Variants in MYO16 observed in about 807,000 individuals in gnomAD.
MYO16 encodes myosin XVI, also known as unconventional myosin-XVI.
MYO16 carries 94 observed loss-of-function variants against 205.3 expected under a neutral mutation model. The observed-to-expected ratio is 0.46, with a 90% confidence interval of 0.39 to 0.54. MYO16 has a LOEUF of 0.54. Ranked by LOEUF, MYO16 falls within the 20% of genes least tolerant of loss-of-function variation. The pLI is 0.00. For missense variants in MYO16, 2,315 were observed against 2,387.5 expected, an observed-to-expected ratio of 0.97 and a Z score of 0.63; for synonymous variants, 988 against 954.0, an observed-to-expected ratio of 1.04 and a Z score of -0.66.
intron 12 of MYO16, among the ~76,000 whole-genome samples, chr13:108,878,207 G>C (rs752257388): frequency 6.6e-6 from 1 of 152,054 alleles, no homozygotes; most frequent in Non-Finnish European, 1.5e-5. Context: ...AGCCCTAAAT[G>C]GGAACAGATA....
chr13:108,586,588 T>C, the MYO16 span, among the ~76,000 whole-genome samples: 1 of 152,154 alleles, frequency 6.6e-6, no homozygotes, highest in Non-Finnish European at 1.5e-5. Flanking sequence ...TGGTCACTCT[T>C]AAGGGGCTGT....
intron 16 of MYO16, among the ~76,000 whole-genome samples, chr13:108,946,297 A>AG (rs200275155): frequency 6.6e-6 from 1 of 151,804 alleles, no homozygotes; most frequent in African/African-American, 2.4e-5. Context: ...CAAAAAAAAA[A>AG]GGGGGTTTGA....
chr13:109,122,632 C>T (rs967235673), intron 29 of MYO16, among the ~76,000 whole-genome samples: 4 of 148,636 alleles, frequency 2.7e-5, no homozygotes, highest in East Asian at 2.0e-4. Context: ...GAGCCAAGAT[C>T]GTGGAGATCA....
At chr13:108,901,768 C>G (rs1367602833) in intron 15 of MYO16, among the ~76,000 whole-genome samples, 1 of 152,030 alleles carries the variant, frequency 6.6e-6, no homozygotes, top group South Asian at 2.1e-4. Context: ...ATTTGGTGAT[C>G]GTTTTTTATG....
At chr13:108,820,084 CT>C (rs1221583083) in intron 7 of MYO16, among the ~76,000 whole-genome samples, 1 of 152,146 alleles carries the variant, frequency 6.6e-6, no homozygotes, top group African/African-American at 2.4e-5. Flanking sequence ...ATAAAGTGTC[CT>C]TTTCAAATCT....
chr13:108,647,398 T>C (rs1880802305), intron 1 of MYO16, among the ~76,000 whole-genome samples: 1 of 152,178 alleles, frequency 6.6e-6, no homozygotes, highest in Non-Finnish European at 1.5e-5. Context: ...TGTTTGCAAA[T>C]CTTTAATGGT....
At chr13:108,496,946 C>A in the MYO16 span, among the ~76,000 whole-genome samples, 1 of 152,202 alleles carries the variant, frequency 6.6e-6, no homozygotes, top group African/African-American at 2.4e-5. Flanking sequence ...CCCGGAGCCT[C>A]TTCTGAGTTA....
At chr13:108,888,264 C>T (rs1879995353) in intron 13 of MYO16, 108 bp from the exon 14 acceptor site, 1 of 672,772 alleles carries the variant, frequency 1.5e-6, no homozygotes, top group Non-Finnish European at 2.5e-6. Flanking sequence ...GAAATATCTC[C>T]AGTTAATTTT....
At chr13:108,572,947 G>A in the MYO16 span, among the ~76,000 whole-genome samples, 1 of 152,122 alleles carries the variant, frequency 6.6e-6, no homozygotes, top group East Asian at 1.9e-4. Context: ...CAGATAAACT[G>A]GTTCAGCCTC....
intron 1 of MYO16, among the ~76,000 whole-genome samples, chr13:108,616,402 T>A (rs1325382128): frequency 6.6e-6 from 1 of 152,154 alleles, no homozygotes; most frequent in Non-Finnish European, 1.5e-5. Context: ...TCCTTCACCA[T>A]CGTAGTCTAT....
the MYO16 span, among the ~76,000 whole-genome samples, chr13:108,518,333 A>G: frequency 2.0e-5 from 3 of 152,218 alleles, no homozygotes; most frequent in African/African-American, 7.2e-5. Flanking sequence ...AATAATTCCA[A>G]GAAAAGGAAA....
intron 1 of MYO16, among the ~76,000 whole-genome samples, chr13:108,606,204 G>T (rs1399819095): frequency 2.6e-5 from 4 of 152,204 alleles, no homozygotes; most frequent in African/African-American, 7.2e-5. Context: ...CAATTTTCTG[G>T]AGAGAAATTC....
At chr13:108,582,031 T>G in the MYO16 span, among the ~76,000 whole-genome samples, 1 of 152,160 alleles carries the variant, frequency 6.6e-6, no homozygotes, top group African/African-American at 2.4e-5. Flanking sequence ...TGAGAGACTG[T>G]GTATTATTTA....
intron 23 of MYO16, among the ~76,000 whole-genome samples, chr13:109,037,159 G>C (rs1267926932): frequency 1.3e-5 from 2 of 152,180 alleles, no homozygotes; most frequent in Admixed American, 1.3e-4. Flanking sequence ...CATCTCACTA[G>C]GCTCTGAGGC....
At chr13:108,774,763 C>T (rs971694668) in intron 4 of MYO16, among the ~76,000 whole-genome samples, 8 of 152,094 alleles carry the variant, frequency 5.3e-5, no homozygotes, top group Admixed American at 1.3e-4. Flanking sequence ...ATTACATGTA[C>T]GTGCACACAC....
At chr13:109,012,746 G>C (rs1255451003) in intron 22 of MYO16, among the ~76,000 whole-genome samples, 1 of 149,006 alleles carries the variant, frequency 6.7e-6, no homozygotes, top group African/African-American at 2.5e-5. Flanking sequence ...TCTCAGATGA[G>C]ATTTATTTCA....
chr13:109,152,934 A>C (rs1877758290), intron 32 of MYO16, among the ~76,000 whole-genome samples: 1 of 152,194 alleles, frequency 6.6e-6, no homozygotes, highest in Admixed American at 6.5e-5. Context: ...TTGGTGCCAG[A>C]CATTGCATGG....
chr13:108,920,229 G>T (rs1881677775), intron 16 of MYO16, among the ~76,000 whole-genome samples: 1 of 152,140 alleles, frequency 6.6e-6, no homozygotes, highest in Non-Finnish European at 1.5e-5. Context: ...TGGACAAGGA[G>T]GCTCTGAATT....
chr13:108,779,550 C>T (rs577874401), intron 4 of MYO16: 1 of 152,306 alleles, frequency 6.6e-6, no homozygotes, highest in African/African-American at 2.4e-5. Flanking sequence ...CCAGAAGCTT[C>T]AGGGAGGTGG....
Sources: allele counts gnomAD v4.1 joint callset (sites outside exome capture counted in the v4.1 genomes callset), GRCh38; gene constraint gnomAD v4.1.1; transcripts MANE v1.5; gene names NCBI Gene and HGNC (gene_info 2026-07-23, HGNC 2026-07-21).